The following ZC3HAV1 variants were observed in gnomAD, a reference collection of about 807,000 sequenced individuals.
The protein encoded by ZC3HAV1 is zinc finger CCCH-type containing, antiviral 1.
Under a neutral mutation model 86.6 loss-of-function variants are expected in ZC3HAV1, and 41 were observed. That is an observed-to-expected ratio of 0.47 (90% CI 0.37 to 0.61). The LOEUF (loss-of-function observed/expected upper bound fraction) is 0.61, where lower values mean the gene tolerates loss of function less well. Ranked by LOEUF, ZC3HAV1 falls within the 20% of genes least tolerant of loss-of-function variation. The pLI is 0.00. For synonymous variants in ZC3HAV1, 421 were observed against 432.1 expected (o/e 0.97, Z 0.32); for missense variants, 964 against 1,141.1 (o/e 0.84, Z 2.24).
chr7:139,071,109 T>G (rs949162343), intron 7 of ZC3HAV1, among the ~76,000 whole-genome samples: 2 of 151,706 alleles, frequency 1.3e-5, no homozygotes, highest in Non-Finnish European at 2.9e-5. Flanking sequence ...AAACCTTTTT[T>G]TTTTTTTTTT....
At chr7:139,088,459 G>A (rs1446106960) in intron 2 of ZC3HAV1, among the ~76,000 whole-genome samples, 3 of 152,166 alleles carry the variant, frequency 2.0e-5, no homozygotes, top group Non-Finnish European at 4.4e-5. Flanking sequence ...GAAACTGCTT[G>A]CCTTCCATTT....
intron 12 of ZC3HAV1, chr7:139,049,361 C>T (rs1816057437): frequency 6.6e-6 from 1 of 152,110 alleles, no homozygotes. Context: ...TTTTCATGAA[C>T]TCATTGGCCA....
intron 1 of ZC3HAV1, among the ~76,000 whole-genome samples, chr7:139,103,266 T>G (rs557840396): frequency 9.3e-5 from 14 of 150,150 alleles, no homozygotes; most frequent in African/African-American, 3.4e-4. Flanking sequence ...TATTTTTTTA[T>G]TTTTTTATTT....
chr7:139,077,002 C>T (rs961263078), intron 5 of ZC3HAV1, among the ~76,000 whole-genome samples: 1 of 135,886 alleles, frequency 7.4e-6, no homozygotes, highest in Non-Finnish European at 1.5e-5. Context: ...CTTTCTGCAC[C>T]CCCCCAAGTG....
intron 7 of ZC3HAV1, among the ~76,000 whole-genome samples, chr7:139,072,863 T>C (rs1044309067): frequency 3.9e-5 from 6 of 152,196 alleles, no homozygotes; most frequent in African/African-American, 1.4e-4. Flanking sequence ...ACTCTCACCC[T>C]CTTTTCCAGC....
chr7:139,050,505 C>CT (rs1185450473), intron 12 of ZC3HAV1, among the ~76,000 whole-genome samples: 1 of 152,012 alleles, frequency 6.6e-6, no homozygotes, highest in Non-Finnish European at 1.5e-5. Context: ...GTAGCTAGGA[C>CT]TACAGGCATG....
intron 9 of ZC3HAV1, among the ~76,000 whole-genome samples, chr7:139,059,021 G>A (rs1285015054): frequency 2.0e-5 from 3 of 151,754 alleles, no homozygotes; most frequent in African/African-American, 7.3e-5. Flanking sequence ...AAAAAAAAAT[G>A]CAGTTTTGTT....
chr7:139,106,842 G>C (rs985195676), intron 1 of ZC3HAV1, among the ~76,000 whole-genome samples: 25 of 123,496 alleles, frequency 2.0e-4, no homozygotes, highest in African/African-American at 5.6e-4. Context: ...TGGTTGCTGA[G>C]ATTTGCTTTA....
intron 2 of ZC3HAV1, 119 bp from the exon 3 acceptor site, chr7:139,084,151 G>C: frequency 7.4e-7 from 1 of 1,347,764 alleles, no homozygotes; most frequent in Non-Finnish European, 1.0e-6. Flanking sequence ...TACCAAAGGG[G>C]GAAAAATACA....
chr7:139,105,139 A>C (rs1817898045), intron 1 of ZC3HAV1, among the ~76,000 whole-genome samples: 1 of 151,888 alleles, frequency 6.6e-6, no homozygotes, highest in South Asian at 2.1e-4. Context: ...ATCTGAGCCT[A>C]GGAATTCGAA....
chr7:139,053,161 T>C (rs1816185376), intron 12 of ZC3HAV1, among the ~76,000 whole-genome samples: 3 of 152,100 alleles, frequency 2.0e-5, no homozygotes, highest in African/African-American at 7.2e-5. Context: ...GTAGTAATGG[T>C]AGACAACAAG....
intron 9 of ZC3HAV1, chr7:139,060,744 A>G: frequency 8.0e-7 from 1 of 1,256,630 alleles, no homozygotes; most frequent in Non-Finnish European, 1.0e-6. Context: ...CCTTAGGTGT[A>G]CTGCATCAAT....
At chr7:139,078,787 G>A in intron 4 of ZC3HAV1, 134 bp from the exon 5 acceptor site, 2 of 760,988 alleles carry the variant, frequency 2.6e-6, no homozygotes, top group Non-Finnish European at 2.0e-6. Flanking sequence ...TTTATGTTTT[G>A]CCCATGAGCA....
Position 139,099,916 on chromosome 7 carries a change from A to AAAATAAATAAATAAAT in ZC3HAV1, c.308+9092_308+9107dup, listed in dbSNP as rs112469477. 2.3e-4 allele frequency among the ~76,000 whole-genome samples: 35 copies of AAAATAAATAAATAAAT among 150,104 alleles called. 2 individuals carry two copies. In the South Asian group the frequency reaches 6.1e-3, roughly 26 times the overall value. On this transcript the variant is annotated intron_variant, in intron 1 of 12. Coordinates refer to ENST00000242351, the MANE Select transcript of ZC3HAV1 (RefSeq NM_020119.4). ...CACTCTAGCCTGGGTGACAGAACAA[A>AAAATAAATAAATAAAT]AAATAAATAAATAAATAAATAAATA...
At chr7:139,070,226 C>A (rs1263100870) in intron 7 of ZC3HAV1, among the ~76,000 whole-genome samples, 1 of 152,012 alleles carries the variant, frequency 6.6e-6, no homozygotes, top group Non-Finnish European at 1.5e-5. Flanking sequence ...TTAATGAATA[C>A]AACATTCATG....
intron 1 of ZC3HAV1, among the ~76,000 whole-genome samples, chr7:139,106,264 T>C (rs922309541): frequency 6.6e-6 from 1 of 152,188 alleles, no homozygotes; most frequent in Non-Finnish European, 1.5e-5. Flanking sequence ...CTAAGCATAT[T>C]GCCTACAACA....
intron 8 of ZC3HAV1, among the ~76,000 whole-genome samples, chr7:139,062,276 A>G (rs993267027): frequency 4.6e-5 from 7 of 152,114 alleles, no homozygotes; most frequent in African/African-American, 1.7e-4. Flanking sequence ...ATGCCACAAC[A>G]CTGCTCAAAA....
intron 4 of ZC3HAV1, 200 bp downstream of exon 4, chr7:139,079,270 A>T (rs980302924): frequency 6.5e-7 from 1 of 1,537,006 alleles, no homozygotes; most frequent in Admixed American, 2.0e-5. Flanking sequence ...TGGATTCCCC[A>T]GGTGTGGTGG....
In ZC3HAV1 at chr7:139,057,064, T is replaced by G. The variant is rs554717208; in HGVS notation, c.2097-1769A>C. Among the ~76,000 whole-genome samples, 4 of 151,966 alleles carry G rather than the reference T, an allele frequency of 2.6e-5. No homozygotes were observed. The South Asian group carries it at 8.3e-4, about 32-fold the overall frequency. On this transcript the variant is annotated intron_variant, in intron 9 of 12. Transcript: ENST00000242351. ...AAATATTCCAGCAAAAGAAAAAAAG[T>G]TAGGCCAGGTGTGGTGGCTCATCCC...
Sources: gnomAD v4.1 joint callset for allele counts (sites outside exome capture counted in the v4.1 genomes callset) on GRCh38, gnomAD v4.1.1 for gene constraint, MANE v1.5 for transcripts, NCBI Gene and HGNC (gene_info 2026-07-23, HGNC 2026-07-21) for gene names.